The following ASCC2 variants were observed in gnomAD, a reference collection of about 807,000 sequenced individuals.
ASCC2 encodes ASC-1 complex subunit P100.
Under a neutral mutation model 93.5 loss-of-function variants are expected in ASCC2, and 42 were observed. That is an observed-to-expected ratio of 0.45 (90% CI 0.35 to 0.58). The LOEUF (loss-of-function observed/expected upper bound fraction) is 0.58, where lower values mean the gene tolerates loss of function less well. Ranked by LOEUF, ASCC2 falls within the 20% of genes least tolerant of loss-of-function variation. The pLI, the probability that ASCC2 is intolerant of heterozygous loss-of-function variation, is 0.00. For synonymous variants in ASCC2, 364 were observed against 384.2 expected (o/e 0.95, Z 0.62); for missense variants, 859 against 977.6 (o/e 0.88, Z 1.62).
chr22:29,819,522 A>C (rs1602105491), intron 5 of ASCC2, among the ~76,000 whole-genome samples: 1 of 152,252 alleles, frequency 6.6e-6, no homozygotes, highest in East Asian at 1.9e-4. Flanking sequence ...TAGTCTTCCC[A>C]TTCTGCAGAT....
chr22:29,795,027 C>A (rs971396810), intron 15 of ASCC2, among the ~76,000 whole-genome samples: 1 of 151,532 alleles, frequency 6.6e-6, no homozygotes, highest in Non-Finnish European at 1.5e-5. Context: ...TGGGCTCAAG[C>A]GATTCTCGTG....
Position 29,806,247 on chromosome 22 carries a change from T to C in ASCC2, c.1129A>G (p.Ile377Val), listed in dbSNP as rs937536841. ...GATGAGGCCTGCTGCAGCAAGCTGA[T>C]GTCTTCGGCCACGGGGAAGAGTGCA... ...YDALFPVAED[I>V]SLLQQASSVL... The change falls in exon 12 of 20, where the codon ATC (isoleucine) becomes GTC (valine). Residue 377 changes from isoleucine to valine, a missense_variant. Coordinates refer to ENST00000307790, the MANE Select transcript of ASCC2 (RefSeq NM_032204.5). The C allele has an allele frequency of 6.2e-7, 1 of 1,614,034 alleles. No individual in the cohort carries two copies. The highest frequency in any genetic ancestry group is 1.3e-5 in the African/African-American group (1 of 74,912).
chr22:29,822,093 C>A, intron 5 of ASCC2: 1 of 458,058 alleles, frequency 2.2e-6, no homozygotes, highest in Non-Finnish European at 3.9e-6. Context: ...AAAACAAAAA[C>A]AAAAAATTTC....
At chr22:29,799,850 C>A (rs1265174091) in intron 15 of ASCC2, among the ~76,000 whole-genome samples, 1 of 152,228 alleles carries the variant, frequency 6.6e-6, no homozygotes, top group East Asian at 1.9e-4. Context: ...TACAGTGGCA[C>A]GATCACAGCT....
chr22:29,827,810 GACAC>G lies in ASCC2; in HGVS notation c.82-2034_82-2031del, dbSNP rs1333749764. ...CACACACAACCAGGCTACTCATTCT[GACAC>G]ACACACACACACACACATACACCCA... is the stretch of plus-strand genomic sequence containing the variant. On this transcript the variant is annotated intron_variant, in intron 2 of 19. Coordinates refer to ENST00000307790, the MANE Select transcript of ASCC2 (RefSeq NM_032204.5). Among the ~76,000 whole-genome samples, 9 of 36,022 alleles carry G rather than the reference GACAC, an allele frequency of 2.5e-4. 2 individuals carry two copies. The highest frequency in any genetic ancestry group is 3.4e-4 in the African/African-American group (3 of 8,950). The allele number at this position is 36,022 out of a possible 152,430, so 23.6% of individuals were successfully genotyped here. A position where few individuals can be genotyped will look rare whatever the true frequency, so the allele number is the denominator to read the frequency against.
intron 15 of ASCC2, among the ~76,000 whole-genome samples, chr22:29,798,704 G>A (rs878872332): frequency 6.6e-6 from 1 of 152,166 alleles, no homozygotes; most frequent in Admixed American, 6.5e-5. Flanking sequence ...TGTCCCTGCC[G>A]AAGTTCCTGT....
chr22:29,803,399 TCA>T (rs1209217520), intron 13 of ASCC2, among the ~76,000 whole-genome samples: 1 of 152,166 alleles, frequency 6.6e-6, no homozygotes, highest in Non-Finnish European at 1.5e-5. Context: ...TCTCTGAACC[TCA>T]GTTTCCTCCT....
At position 29,789,080 on chromosome 22, in the gene ASCC2, G is replaced by A; in HGVS notation, c.2207C>T (p.Thr736Ile). 6.2e-7 allele frequency: 1 copy of A among 1,614,190 alleles called. No individual in the cohort carries two copies. The highest frequency in any genetic ancestry group is 8.5e-7 in the Non-Finnish European group (1 of 1,180,032). ...ERRKKEANKA[T>I]RANHNRRTMA... ...GGTTCTCCGGTTGTGGTTGGCTCTT[G>A]TCGCCTTGTTGGCTTCCTTCTTCCT... The change falls in exon 20 of 20, where the codon ACA becomes ATA. Residue 736 changes from threonine to isoleucine, a missense_variant. Physicochemically the swap from Thr to Ile is moderately conservative, Grantham distance 89 (BLOSUM62 -1). Transcript: ENST00000307790.
At chr22:29,806,346 T>G (rs1601937452) in intron 11 of ASCC2, 56 bp from the exon 12 acceptor site, 27 of 1,592,796 alleles carry the variant, frequency 1.7e-5, no homozygotes, top group Non-Finnish European at 2.3e-5. Context: ...AGGAATGCTG[T>G]GCTGCTGCAG....
chr22:29,801,877 G>C, intron 14 of ASCC2, 117 bp downstream of exon 14: 1 of 903,722 alleles, frequency 1.1e-6, no homozygotes. Context: ...AGTTTAAATG[G>C]CTGGGAAGAG....
At chr22:29,826,371 G>C (rs956946254) in intron 2 of ASCC2, among the ~76,000 whole-genome samples, 1 of 151,948 alleles carries the variant, frequency 6.6e-6, no homozygotes, top group Non-Finnish European at 1.5e-5. Flanking sequence ...GGCTGAAGTG[G>C]AGTGGCATAA....
Position 29,813,494 on chromosome 22 carries a change from A to G in ASCC2, c.769T>C (p.Trp257Arg). 1.9e-6 allele frequency: 3 copies of G among 1,614,112 alleles called. No homozygotes were observed. The highest frequency in any genetic ancestry group is 4.5e-5 in the East Asian group (2 of 44,898). Residue 257 changes from tryptophan to arginine, a missense_variant, in exon 8 of 20, where the codon TGG (tryptophan) becomes CGG (arginine). Trp to Arg is a moderately radical substitution (Grantham distance 101). Transcript: ENST00000307790. ...AAAGGGAAGATATCCAGAAAGGCCC[A>G]AAGTGTGGTGCAGGTATCACAAAGG... ...LYLCDTCTTL[W>R]AFLDIFPLAC...
chr22:29,822,302 T>C (rs749769381), intron 5 of ASCC2, 33 bp downstream of exon 5: 2 of 1,610,932 alleles, frequency 1.2e-6, no homozygotes, highest in Non-Finnish European at 1.7e-6. Context: ...GGGGCCATCT[T>C]GGTGCATCCT....
chr22:29,810,856 G>A (rs574516162), intron 8 of ASCC2, among the ~76,000 whole-genome samples: 4 of 151,976 alleles, frequency 2.6e-5, no homozygotes, highest in South Asian at 2.1e-4. Flanking sequence ...TCAGCCTCCC[G>A]AATAGCTGGA....
chr22:29,793,222 G>T, intron 17 of ASCC2, 138 bp downstream of exon 17: 1 of 1,219,020 alleles, frequency 8.2e-7, no homozygotes, highest in Non-Finnish European at 1.2e-6. Flanking sequence ...GGCTGGGGTG[G>T]AGGAGCACTG....
At chr22:29,806,650 T>A in intron 10 of ASCC2, 97 bp from the exon 11 acceptor site, 2 of 1,443,638 alleles carry the variant, frequency 1.4e-6, no homozygotes, top group Non-Finnish European at 1.9e-6. Context: ...TGGGGCCCAG[T>A]GGAGGAATGA....
In ASCC2 at chr22:29,825,074, A is replaced by C. The variant is rs1350207036; in HGVS notation, c.411+13T>G. 6.9e-7 allele frequency: 1 copy of C among 1,458,074 alleles called. No homozygotes were observed. The highest frequency in any genetic ancestry group is 9.1e-7 in the Non-Finnish European group (1 of 1,097,668). 90.3% of individuals were successfully genotyped at this position (1,458,074 alleles called of 1,614,324 possible). ...GTATCGGGTGATGACCTGTCATGGG[A>C]TCAGTGGCTTACTTTGGATTCCTTG... On this transcript the variant is annotated intron_variant, in intron 4 of 19. Transcript: ENST00000307790. This position sits in a 1 kb window ranked among gnomAD's most constrained non-coding sequence, Gnocchi z 4.9.
intron 13 of ASCC2, among the ~76,000 whole-genome samples, chr22:29,804,410 A>C (rs740116): frequency 6.6e-6 from 1 of 152,108 alleles, no homozygotes; most frequent in Non-Finnish European, 1.5e-5. Context: ...TAAGGCTTCG[A>C]TAGTTGAAGC....
intron 1 of ASCC2, among the ~76,000 whole-genome samples, chr22:29,835,214 T>C (rs147641206): frequency 2.0e-4 from 30 of 152,102 alleles, no homozygotes; most frequent in Middle Eastern, 3.4e-3. Flanking sequence ...CTAAGCAACA[T>C]AGTGAGACCC....
Sources: allele counts gnomAD v4.1 joint callset (sites outside exome capture counted in the v4.1 genomes callset), GRCh38; gene constraint gnomAD v4.1.1; non-coding constraint Gnocchi (gnomAD v3.1); transcripts MANE v1.5; gene names NCBI Gene and HGNC (gene_info 2026-07-23, HGNC 2026-07-21).